Variants in ROBO1 observed in about 807,000 individuals in gnomAD.
ROBO1 encodes the protein roundabout homolog 1.
In ROBO1, 149 loss-of-function variants were observed where a neutral mutation model predicts 195.9. The observed-to-expected ratio is 0.76, with a 90% CI of 0.67 to 0.87. The LOEUF (loss-of-function observed/expected upper bound fraction) is 0.87, where lower values mean the gene tolerates loss of function less well. Among genes scored for constraint, ROBO1 ranks in the 40% least tolerant of loss-of-function variants. The pLI is 0.00. For missense variants in ROBO1, 1,933 were observed against 2,068.3 expected (o/e 0.93, Z 1.27); for synonymous variants, 816 against 733.2 (o/e 1.11, Z -1.82).
chr3:78,603,504 T>C (rs893306101), intron 29 of ROBO1, among the ~76,000 whole-genome samples: 5 of 152,168 alleles, frequency 3.3e-5, no homozygotes, highest in East Asian at 1.9e-4. Flanking sequence ...TTTATGCTTA[T>C]ACATAAATCT....
intron 20 of ROBO1, among the ~76,000 whole-genome samples, chr3:78,646,666 G>T (rs960635149): frequency 1.3e-5 from 2 of 150,044 alleles, no homozygotes; most frequent in African/African-American, 4.9e-5. Flanking sequence ...AAGTCAAAGA[G>T]AAATGTTAAA....
chr3:79,484,403 T>C (rs1161369008), intron 2 of ROBO1, among the ~76,000 whole-genome samples: 1 of 152,186 alleles, frequency 6.6e-6, no homozygotes, highest in East Asian at 1.9e-4. Context: ...ATGCTATTTA[T>C]TCTTGTAGAT....
intron 3 of ROBO1, among the ~76,000 whole-genome samples, chr3:78,979,740 CT>C (rs2076952704): frequency 6.6e-6 from 1 of 152,084 alleles, no homozygotes; most frequent in African/African-American, 2.4e-5. Flanking sequence ...TGAAAGCCCC[CT>C]GGCATAAGAA....
At chr3:79,715,755 A>G (rs1454495372) in intron 1 of ROBO1, among the ~76,000 whole-genome samples, 2 of 151,966 alleles carry the variant, frequency 1.3e-5, no homozygotes, top group Non-Finnish European at 2.9e-5. Context: ...TTTTTCCTTG[A>G]TCATACTTTG....
chr3:79,320,596 C>T (rs2033938238), intron 2 of ROBO1, among the ~76,000 whole-genome samples: 1 of 152,164 alleles, frequency 6.6e-6, no homozygotes, highest in Non-Finnish European at 1.5e-5. Context: ...TCCCAAAGAT[C>T]TGGGCGTCAC....
At chr3:78,702,167 T>C (rs1463544385) in intron 8 of ROBO1, among the ~76,000 whole-genome samples, 1 of 152,204 alleles carries the variant, frequency 6.6e-6, no homozygotes, top group Non-Finnish European at 1.5e-5. Context: ...CCCTGATGTT[T>C]GGTATTTGCT....
At chr3:79,508,040 T>G (rs1280301664) in intron 2 of ROBO1, 2 of 150,790 alleles carry the variant, frequency 1.3e-5, no homozygotes, top group Non-Finnish European at 2.9e-5. Flanking sequence ...CATTCATAAG[T>G]GGGAGTTGAA....
At chr3:79,324,194 C>G (rs1174794977) in intron 2 of ROBO1, among the ~76,000 whole-genome samples, 1 of 152,108 alleles carries the variant, frequency 6.6e-6, no homozygotes, top group Non-Finnish European at 1.5e-5. Flanking sequence ...TGCCTGTACT[C>G]TAATAATGCC....
chr3:79,062,971 T>G (rs2078946499), intron 3 of ROBO1, among the ~76,000 whole-genome samples: 1 of 151,926 alleles, frequency 6.6e-6, no homozygotes, highest in Admixed American at 6.6e-5. Context: ...CCCTAGAACT[T>G]AAAGTATAAT....
chr3:79,213,139 G>A (rs115481071), intron 2 of ROBO1, among the ~76,000 whole-genome samples: 9 of 151,952 alleles, frequency 5.9e-5, no homozygotes, highest in Non-Finnish European at 1.2e-4. Context: ...AGCTACACTG[G>A]AGGCTGAGGC....
intron 2 of ROBO1, among the ~76,000 whole-genome samples, chr3:79,468,254 T>G (rs1938079429): frequency 1.3e-5 from 2 of 152,244 alleles, no homozygotes; most frequent in African/African-American, 2.4e-5. Context: ...ACATCCTTTG[T>G]TATACTATGT....
intron 5 of ROBO1, among the ~76,000 whole-genome samples, chr3:78,730,229 A>C (rs868330285): frequency 2.6e-5 from 4 of 152,186 alleles, no homozygotes; most frequent in Non-Finnish European, 5.9e-5. Flanking sequence ...TCTTATACTT[A>C]GCTCTATAGT....
chr3:79,729,075 G>T (rs982761697), intron 1 of ROBO1, among the ~76,000 whole-genome samples: 2 of 152,040 alleles, frequency 1.3e-5, no homozygotes, highest in Non-Finnish European at 2.9e-5. Context: ...TTTTATTTGA[G>T]AATTGTTGAA....
chr3:78,669,113 C>T (rs1447069358), intron 11 of ROBO1, among the ~76,000 whole-genome samples: 1 of 152,124 alleles, frequency 6.6e-6, no homozygotes, highest in Non-Finnish European at 1.5e-5. Flanking sequence ...CAAAGCCAAA[C>T]TCAAGCTGGA....
chr3:78,749,485 G>A (rs575100157), intron 4 of ROBO1, among the ~76,000 whole-genome samples: 23 of 152,198 alleles, frequency 1.5e-4, no homozygotes, highest in African/African-American at 5.3e-4. Context: ...TTTTGCAGCT[G>A]TAAAGCATAA....
intron 2 of ROBO1, among the ~76,000 whole-genome samples, chr3:79,293,612 C>T (rs1170771871): frequency 6.6e-6 from 1 of 152,118 alleles, no homozygotes; most frequent in Non-Finnish European, 1.5e-5. Flanking sequence ...CAAACCACTG[C>T]TCAAGGAAAT....
chr3:79,249,058 C>A (rs538944159), intron 2 of ROBO1, among the ~76,000 whole-genome samples: 1 of 152,286 alleles, frequency 6.6e-6, no homozygotes, highest in South Asian at 2.1e-4. Flanking sequence ...ATCCTGTCTT[C>A]TTTTCTTTCT....
chr3:78,697,073 C>G (rs1016040279), intron 8 of ROBO1, among the ~76,000 whole-genome samples: 1 of 150,254 alleles, frequency 6.7e-6, no homozygotes, highest in Admixed American at 6.7e-5. Context: ...CACACACACA[C>G]AGCCACTACC....
At chr3:79,193,762 A>C (rs901014700) in intron 2 of ROBO1, among the ~76,000 whole-genome samples, 1 of 151,594 alleles carries the variant, frequency 6.6e-6, no homozygotes, top group South Asian at 2.1e-4. Flanking sequence ...GAGACAGGAA[A>C]GAAGACACTC....
Sources: gnomAD v4.1 joint callset for allele counts (sites outside exome capture counted in the v4.1 genomes callset) on GRCh38, gnomAD v4.1.1 for gene constraint, MANE v1.5 for transcripts, NCBI Gene and HGNC (gene_info 2026-07-23, HGNC 2026-07-21) for gene names.